Variants in FCHSD2 observed in about 807,000 individuals in gnomAD.
FCHSD2 encodes FCH and double SH3 domains 2.
Under a neutral mutation model 108.1 loss-of-function variants are expected in FCHSD2, and 38 were observed. The ratio of observed to expected loss-of-function variants is 0.35; its 90% confidence interval spans 0.27 to 0.46. The LOEUF is 0.46. FCHSD2 is among the 20% of genes least tolerant of loss of function. The probability of loss-of-function intolerance (pLI) is 1.00; values close to 1 mark genes in which losing one functional copy is unlikely to be tolerated. For synonymous variants in FCHSD2, 279 were observed against 314.7 expected, an observed-to-expected ratio of 0.89 and a Z score of 1.20; for missense variants, 751 against 897.8, an observed-to-expected ratio of 0.84 and a Z score of 2.09.
chr11:72,882,093 C>T (rs1038534469), intron 12 of FCHSD2, among the ~76,000 whole-genome samples: 14 of 151,116 alleles, frequency 9.3e-5, no homozygotes, highest in South Asian at 2.1e-4. Flanking sequence ...TGCAGTGAGC[C>T]GAAATCGCGC....
intron 9 of FCHSD2, among the ~76,000 whole-genome samples, chr11:72,918,395 C>T (rs559757743): frequency 1.3e-5 from 2 of 151,856 alleles, no homozygotes; most frequent in East Asian, 3.9e-4. Context: ...ACCGAATTGC[C>T]CTGTCTAGGA....
intron 2 of FCHSD2, among the ~76,000 whole-genome samples, chr11:73,111,483 A>G (rs796839227): frequency 8.1e-5 from 11 of 136,002 alleles, no homozygotes; most frequent in African/African-American, 3.1e-4. Context: ...TTTTCAGTCT[A>G]TGTGTGTCTT....
intron 3 of FCHSD2, among the ~76,000 whole-genome samples, chr11:73,025,365 T>C (rs995179526): frequency 3.1e-4 from 47 of 152,288 alleles, no homozygotes; most frequent in Non-Finnish European, 8.8e-5. Flanking sequence ...TGGAGGCCAT[T>C]ATCCTTTGCA....
chr11:72,960,768 C>A (rs367784456), intron 8 of FCHSD2, among the ~76,000 whole-genome samples: 2 of 152,078 alleles, frequency 1.3e-5, no homozygotes, highest in East Asian at 1.9e-4. Context: ...AGGGACAGGG[C>A]ATAATAAAGA....
intron 3 of FCHSD2, among the ~76,000 whole-genome samples, chr11:73,045,443 A>T (rs1858738534): frequency 1.3e-5 from 2 of 151,854 alleles, no homozygotes; most frequent in Admixed American, 6.6e-5. Flanking sequence ...ACTATAAATC[A>T]TGCTGCTATA....
intron 8 of FCHSD2, among the ~76,000 whole-genome samples, chr11:72,957,171 T>G (rs998210716): frequency 6.9e-6 from 1 of 143,902 alleles, no homozygotes; most frequent in African/African-American, 2.6e-5. Flanking sequence ...CTCCCAGTGC[T>G]ATCCCTCCCC....
chr11:72,896,764 T>TAAAAAAAAAAAAAAAAAAAA (rs58159831), intron 10 of FCHSD2, among the ~76,000 whole-genome samples: 4 of 68,386 alleles, frequency 5.8e-5, no homozygotes, highest in Non-Finnish European at 1.1e-4. Context: ...GGGAAAATAC[T>TAAAAAAAAAAAAAAAAAAAA]AAAAAAAAAA....
intron 4 of FCHSD2, among the ~76,000 whole-genome samples, chr11:73,009,683 G>A (rs1006973957): frequency 8.6e-5 from 13 of 151,538 alleles, no homozygotes; most frequent in Non-Finnish European, 1.5e-4. Context: ...CCCTTGGTTG[G>A]TAGTTTTTTT....
At chr11:72,904,766 G>C (rs914712882) in intron 9 of FCHSD2, among the ~76,000 whole-genome samples, 2 of 152,130 alleles carry the variant, frequency 1.3e-5, no homozygotes, top group Admixed American at 1.3e-4. Flanking sequence ...ATGCTGTTTA[G>C]CTTTCTTTTC....
chr11:72,893,894 C>T (rs1336829567), intron 10 of FCHSD2, among the ~76,000 whole-genome samples: 2 of 152,092 alleles, frequency 1.3e-5, no homozygotes, highest in African/African-American at 4.8e-5. Context: ...TTTAAGTCAT[C>T]TTAACTATTT....
At chr11:72,940,547 A>G (rs1856394574) in intron 8 of FCHSD2, 3 of 1,045,174 alleles carry the variant, frequency 2.9e-6, no homozygotes, top group Non-Finnish European at 4.5e-6. Context: ...AAGTAGTCTC[A>G]TGTCATGCGC....
intron 8 of FCHSD2, among the ~76,000 whole-genome samples, chr11:72,934,605 A>C (rs925003168): frequency 6.6e-6 from 1 of 152,164 alleles, no homozygotes; most frequent in African/African-American, 2.4e-5. Context: ...AAGTGCTGGG[A>C]TCACAGGCAT....
intron 8 of FCHSD2, among the ~76,000 whole-genome samples, chr11:72,975,599 C>T (rs565304144): frequency 2.3e-4 from 35 of 152,140 alleles, no homozygotes; most frequent in Admixed American, 9.8e-4. Flanking sequence ...ACACATTGTA[C>T]GCATGCATCA....
chr11:73,003,721 C>T (rs1203012926), intron 4 of FCHSD2, among the ~76,000 whole-genome samples: 1 of 151,340 alleles, frequency 6.6e-6, no homozygotes, highest in Non-Finnish European at 1.5e-5. Flanking sequence ...CTCCTGACCT[C>T]GTGATCCGCC....
chr11:72,952,813 T>C (rs1029170255), intron 8 of FCHSD2, among the ~76,000 whole-genome samples: 27 of 152,210 alleles, frequency 1.8e-4, no homozygotes, highest in African/African-American at 6.5e-4. Flanking sequence ...ATTGTTCACC[T>C]TATTTCCACA....
rs139527982 is a variant in FCHSD2 at position 72,983,973 on chromosome 11, T to C, written c.705+115A>G. ...CAATAACAAGTATATTCCAATGAGATGCAACATAGCCTGGCTACTCTTTTA... is the reference window on the plus strand; with the variant it reads ...CAATAACAAGTATATTCCAATGAGACGCAACATAGCCTGGCTACTCTTTTA... On this transcript the variant is annotated intron_variant, in intron 8 of 19. Coordinates refer to ENST00000409418, the MANE Select transcript of FCHSD2 (RefSeq NM_014824.3). The C allele has an allele frequency of 1.3e-3, 1,043 of 794,650 alleles. 17 individuals carry two copies. In the Admixed American group the frequency reaches 0.019, roughly 15 times the overall value. The allele number at this position is 794,650 out of a possible 1,614,324, so 49.2% of individuals were successfully genotyped here. A position where few individuals can be genotyped will look rare whatever the true frequency, so the allele number is the denominator to read the frequency against.
chr11:72,984,417 G>A (rs1213047499), intron 7 of FCHSD2, among the ~76,000 whole-genome samples: 1 of 152,164 alleles, frequency 6.6e-6, no homozygotes. Context: ...TACAGGGCAG[G>A]AGCATTTTCA....
rs1861273805 is a variant in FCHSD2 at position 73,142,312 on chromosome 11, CCTCGCT to C, written c.-441_-436del. The stretch of plus-strand genomic sequence containing the variant: ...ACCCCACCCACTCAGGCGGCCCGGC[CCTCGCT>C]GGGCCTAACGCCCCCGCCCGCCCGG... On this transcript the variant is annotated 5_prime_UTR_variant, in exon 1 of 20. Transcript: ENST00000409418. 6.6e-6 allele frequency: 1 copy of C among 151,552 alleles called. No individual in the cohort carries two copies. The highest frequency in any genetic ancestry group is 1.5e-5 in the Non-Finnish European group (1 of 67,854). The allele number at this position is 151,552 out of a possible 1,614,324, so 9.4% of individuals were successfully genotyped here. A position where few individuals can be genotyped will look rare whatever the true frequency, so the allele number is the denominator to read the frequency against.
chr11:72,946,666 C>G (rs1320245034), intron 8 of FCHSD2, among the ~76,000 whole-genome samples: 3 of 152,112 alleles, frequency 2.0e-5, no homozygotes, highest in Non-Finnish European at 4.4e-5. Flanking sequence ...GCATATTTTA[C>G]CTTTAAAATA....
Sources: gnomAD v4.1 joint callset for allele counts (sites outside exome capture counted in the v4.1 genomes callset) on GRCh38, gnomAD v4.1.1 for gene constraint, MANE v1.5 for transcripts, NCBI Gene and HGNC (gene_info 2026-07-23, HGNC 2026-07-21) for gene names.